The following ZBBX variants were observed in gnomAD, a reference collection of about 807,000 sequenced individuals.
The protein encoded by ZBBX is zinc finger B-box domain containing, also known as zinc finger B-box domain-containing protein 1.
A neutral mutation model predicts 108.5 loss-of-function variants in ZBBX; 101 were observed. The ratio of observed to expected loss-of-function variants is 0.93; its 90% confidence interval spans 0.79 to 1.10. The LOEUF (loss-of-function observed/expected upper bound fraction) is 1.10, where lower values mean the gene tolerates loss of function less well. Ranked by LOEUF, ZBBX falls within the 50% of genes least tolerant of loss-of-function variation. The probability of loss-of-function intolerance (pLI) is 0.00; values close to 1 mark genes in which losing one functional copy is unlikely to be tolerated. For synonymous variants in ZBBX, 356 were observed against 323.4 expected (o/e 1.10, Z -1.08); for missense variants, 1,009 against 941.4 (o/e 1.07, Z -0.94).
At chr3:167,373,231 T>A (rs1468988641) in intron 3 of ZBBX, among the ~76,000 whole-genome samples, 4 of 152,202 alleles carry the variant, frequency 2.6e-5, no homozygotes, top group Non-Finnish European at 4.4e-5. Flanking sequence ...AAGAGCTGAT[T>A]TAAAGTATAC....
chr3:167,211,709 A>G, the ZBBX span, among the ~76,000 whole-genome samples: 1 of 152,056 alleles, frequency 6.6e-6, no homozygotes, highest in Non-Finnish European at 1.5e-5. Context: ...GTCTACAAAA[A>G]CATGGCCAGA....
chr3:167,389,155 T>C (rs1413180680), intron 1 of ZBBX, among the ~76,000 whole-genome samples: 3 of 151,964 alleles, frequency 2.0e-5, no homozygotes, highest in African/African-American at 7.3e-5. Context: ...CAGGCCTCAG[T>C]GTGTGATGTT....
intron 21 of ZBBX, among the ~76,000 whole-genome samples, chr3:167,241,161 TA>T (rs1236102366): frequency 6.6e-6 from 1 of 152,208 alleles, no homozygotes; most frequent in African/African-American, 2.4e-5. Context: ...GGAGAGACTT[TA>T]TGGTCTCTGA....
rs747789308 is a variant in ZBBX at position 167,242,645 on chromosome 3, T to C, written c.2255-2A>G. 5.0e-6 allele frequency: 8 copies of C among 1,608,694 alleles called. No individual in the cohort carries two copies. The African/African-American group carries it at 9.4e-5, about 19-fold the overall frequency. On this transcript the variant is annotated splice_acceptor_variant, in intron 20 of 21. Transcript: ENST00000675490. LOFTEE classifies it high-confidence loss of function. ...AGCTGTAAAGCTTTTCTGAAGTATC[T>C]GAAATATTTTATTTCATGCATTGTC...
chr3:167,364,461 C>T (rs938998453), intron 6 of ZBBX, among the ~76,000 whole-genome samples: 2 of 152,012 alleles, frequency 1.3e-5, no homozygotes, highest in African/African-American at 4.8e-5. Flanking sequence ...TCTTCTCAAT[C>T]TCTCTTCACT....
At position 167,401,122 on chromosome 3, in the gene ZBBX, A is replaced by G. The variant is rs533822021; in HGVS notation, c.-446+6604T>C. Among the ~76,000 whole-genome samples the G allele has an allele frequency of 2.0e-3, 298 of 152,338 alleles. 1 individual carries two copies. The highest frequency in any genetic ancestry group is 3.4e-3 in the Non-Finnish European group (234 of 68,026). On this transcript the variant is annotated intron_variant, in intron 1 of 21. Coordinates refer to the ZBBX transcript ENST00000455345. Reference sequence around the variant, plus strand: ...TATTGTATTGTCTTTTAGAAAATAAATCCAATAAACAACTAGTTATTTTAA... The same window carrying G: ...TATTGTATTGTCTTTTAGAAAATAAGTCCAATAAACAACTAGTTATTTTAA...
chr3:167,277,576 C>T (rs9682318), intron 20 of ZBBX, among the ~76,000 whole-genome samples: 2,971 of 152,228 alleles, frequency 0.02, 109 homozygotes, highest in African/African-American at 0.069. Context: ...GCACCCAATA[C>T]AGGAGCAAGC....
At chr3:167,326,707 C>A in intron 11 of ZBBX, among the ~76,000 whole-genome samples, 1 of 151,894 alleles carries the variant, frequency 6.6e-6, no homozygotes, top group East Asian at 1.9e-4. Flanking sequence ...GAGATATAAA[C>A]TACTAAGAAG....
rs1218825959 is a variant in ZBBX at position 167,328,151 on chromosome 3, AT to A, written c.688-36del. 1.9e-6 allele frequency: 3 copies of A among 1,563,832 alleles called. No homozygotes were observed. In the African/African-American group the frequency reaches 4.2e-5, roughly 22 times the overall value. On this transcript the variant is annotated intron_variant, in intron 10 of 21. Coordinates refer to ENST00000675490, the MANE Select transcript of ZBBX (RefSeq NM_001199201.2). ...AGGATACATAGGCATGCTTTATTAA[AT>A]TTTCTGTATTTACCCACAAAAATTG... is the stretch of plus-strand genomic sequence containing the variant.
At chr3:167,274,957 G>C (rs1379986600) in intron 20 of ZBBX, among the ~76,000 whole-genome samples, 1 of 152,168 alleles carries the variant, frequency 6.6e-6, no homozygotes, top group Non-Finnish European at 1.5e-5. Flanking sequence ...AAATTGCCTT[G>C]ATGAGGAAAC....
In ZBBX at chr3:167,305,642, C is replaced by A; in HGVS notation, c.1725+1G>T. On this transcript the variant is annotated splice_donor_variant, in intron 17 of 21. Coordinates refer to ENST00000675490, the MANE Select transcript of ZBBX (RefSeq NM_001199201.2). LOFTEE classifies it high-confidence loss of function. ...ATATAATAAACATAATAGAGATTTA[C>A]CAGTGATGACTTTGTAGTTTTTGAT... The A allele has an allele frequency of 6.5e-7, 1 of 1,532,134 alleles. No individual in the cohort carries two copies. The highest frequency in any genetic ancestry group is 8.7e-7 in the Non-Finnish European group (1 of 1,145,214). 94.9% of individuals were successfully genotyped at this position (1,532,134 alleles called of 1,614,324 possible).
intron 9 of ZBBX, among the ~76,000 whole-genome samples, chr3:167,336,528 C>T (rs1739580818): frequency 6.6e-6 from 1 of 152,108 alleles, no homozygotes; most frequent in Admixed American, 6.6e-5. Flanking sequence ...ATTCCCATTA[C>T]ATAGACAAGG....
At chr3:167,249,684 C>A (rs73042073) in intron 20 of ZBBX, among the ~76,000 whole-genome samples, 2,640 of 152,196 alleles carry the variant, frequency 0.017, 77 homozygotes, top group African/African-American at 0.061. Context: ...GAATTATACC[C>A]AAATATTTGA....
the ZBBX span, among the ~76,000 whole-genome samples, chr3:167,183,231 G>T: frequency 6.6e-6 from 1 of 152,144 alleles, no homozygotes; most frequent in Non-Finnish European, 1.5e-5. Context: ...AGTGTGAAAA[G>T]GTTCCAAGGT....
chr3:167,395,736 G>T (rs1034224651), intron 1 of ZBBX, among the ~76,000 whole-genome samples: 1 of 151,942 alleles, frequency 6.6e-6, no homozygotes, highest in Non-Finnish European at 1.5e-5. Flanking sequence ...AAGGCTGAGG[G>T]TTCCCTTCAA....
chr3:167,193,265 A>T, the ZBBX span, among the ~76,000 whole-genome samples: 2 of 152,158 alleles, frequency 1.3e-5, no homozygotes, highest in Non-Finnish European at 2.9e-5. Flanking sequence ...CATGTCCTGA[A>T]TGGGGGTGGT....
At chr3:167,301,373 GA>G (rs1732642125) in intron 17 of ZBBX, among the ~76,000 whole-genome samples, 1 of 152,188 alleles carries the variant, frequency 6.6e-6, no homozygotes, top group African/African-American at 2.4e-5. Flanking sequence ...AAGTGGATTG[GA>G]TAAATAGGCA....
chr3:167,274,060 G>C (rs2108486323), intron 20 of ZBBX, among the ~76,000 whole-genome samples: 1 of 152,294 alleles, frequency 6.6e-6, no homozygotes, highest in African/African-American at 2.4e-5. Context: ...CCCTAGACAT[G>C]ACGTTAGCTG....
At chr3:167,205,359 G>A in the ZBBX span, among the ~76,000 whole-genome samples, 1 of 151,998 alleles carries the variant, frequency 6.6e-6, no homozygotes, top group Non-Finnish European at 1.5e-5. Context: ...GCATGAGAAT[G>A]TAAGCCATGA....
Sources: gnomAD v4.1 joint callset for allele counts (sites outside exome capture counted in the v4.1 genomes callset) on GRCh38, gnomAD v4.1.1 for gene constraint, MANE v1.5 for transcripts, NCBI Gene and HGNC (gene_info 2026-07-23, HGNC 2026-07-21) for gene names.